Variants in CIT observed in about 807,000 individuals in gnomAD.
The protein encoded by CIT is citron rho-interacting serine/threonine kinase.
CIT carries 79 observed loss-of-function variants against 272.7 expected under a neutral mutation model. That is an observed-to-expected ratio of 0.29 (90% CI 0.24 to 0.35). The LOEUF is 0.35. Among genes scored for constraint, CIT ranks in the 10% least tolerant of loss-of-function variants. The pLI is 1.00. For missense variants in CIT, 1,909 were observed against 2,618.3 expected, an observed-to-expected ratio of 0.73 and a Z score of 5.91; for synonymous variants, 948 against 995.6, an observed-to-expected ratio of 0.95 and a Z score of 0.90.
At chr12:119,824,015 G>A (rs1264004690) in intron 8 of CIT, among the ~76,000 whole-genome samples, 2 of 112,152 alleles carry the variant, frequency 1.8e-5, no homozygotes, top group Non-Finnish European at 3.3e-5. Flanking sequence ...CTCCAGCCTG[G>A]GTAACAGAGC....
chr12:119,725,021 T>C (rs916917930), intron 28 of CIT, among the ~76,000 whole-genome samples: 1 of 150,324 alleles, frequency 6.7e-6, no homozygotes, highest in African/African-American at 2.4e-5. Flanking sequence ...GAAAGATCCA[T>C]TAGTAAAGTT....
rs1555225961 is a variant in CIT at position 119,728,585 on chromosome 12, G to C, written c.3508C>G (p.His1170Asp). 1 of 1,612,634 alleles carries C rather than the reference G, an allele frequency of 6.2e-7. No homozygotes were observed. Among genetic ancestry groups the C allele is most frequent in the Non-Finnish European group, 8.5e-7 (1 of 1,178,970 alleles). ...CGGGCATTCATTTCAAGCATAGCAT[G>C]CTTCTTCTCCAGGTCATTGAGCTAG... ...SDKLNDLEKK[H>D]AMLEMNARSL... The change falls in exon 28 of 48, where the codon CAT becomes GAT. Residue 1170 changes from histidine (H) to aspartate (D), a missense_variant. Around this residue, in one of 8 missense-constraint regions of CIT, gnomAD observed 530 missense variants for 822.4 expected, o/e 0.64. Coordinates refer to ENST00000392521, the MANE Select transcript of CIT (RefSeq NM_001206999.2). The surrounding 1 kb of genome is among the most constrained non-coding windows in gnomAD (Gnocchi z 4.3).
chr12:119,746,389 C>A (rs969407737), intron 23 of CIT, among the ~76,000 whole-genome samples: 1 of 152,118 alleles, frequency 6.6e-6, no homozygotes. Flanking sequence ...TTACAGAAAA[C>A]AGTGACAGAC....
At position 119,690,571 on chromosome 12, in the gene CIT, T is replaced by G. The variant is rs978769318; in HGVS notation, c.5883-117A>C. 1 of 991,510 alleles carries G rather than the reference T, an allele frequency of 1.0e-6. No homozygotes were observed. Among genetic ancestry groups the G allele is most frequent in the Non-Finnish European group, 1.4e-6 (1 of 703,058 alleles). The allele number at this position is 991,510 out of a possible 1,614,324, so 61.4% of individuals were successfully genotyped here. On this transcript the variant is annotated intron_variant, in intron 46 of 47. Transcript: ENST00000392521. The surrounding 1 kb of genome is among the most constrained non-coding windows in gnomAD (Gnocchi z 6.0). Reference sequence around the variant, plus strand: ...GCCTCACCACTGATTATCAAGAGATTAGACCTGGAGTTCTTTGGACTTTGC... The same window carrying G: ...GCCTCACCACTGATTATCAAGAGATGAGACCTGGAGTTCTTTGGACTTTGC...
chr12:119,707,901 A>C (rs1956963055), intron 40 of CIT, among the ~76,000 whole-genome samples: 1 of 152,186 alleles, frequency 6.6e-6, no homozygotes, highest in South Asian at 2.1e-4. Context: ...TTAATCTTTG[A>C]AGCCAAGGAT....
chr12:119,704,217 A>T lies in CIT; in HGVS notation c.5304+146T>A. On this transcript the variant is annotated intron_variant, in intron 41 of 47. Coordinates refer to ENST00000392521, the MANE Select transcript of CIT (RefSeq NM_001206999.2). ...CCACAAAGGAAGGATCTCGCTGACG[A>T]CAGAGGTCACCCCAGGCTAAAGGCC... The T allele has an allele frequency of 4.5e-6, 3 of 661,974 alleles. No individual in the cohort carries two copies. In the Admixed American group the frequency reaches 8.6e-5, roughly 19 times the overall value. The allele number at this position is 661,974 out of a possible 1,614,324, so 41.0% of individuals were successfully genotyped here.
At position 119,710,978 on chromosome 12, in the gene CIT, C is replaced by G. The variant is rs1264787479; in HGVS notation, c.4855-358G>C. The G allele has an allele frequency of 8.0e-7, 1 of 1,246,516 alleles. No individual in the cohort carries two copies. Among genetic ancestry groups the G allele is most frequent in the African/African-American group, 1.5e-5 (1 of 65,460 alleles). The allele number at this position is 1,246,516 out of a possible 1,614,324, so 77.2% of individuals were successfully genotyped here. A position where few individuals can be genotyped will look rare whatever the true frequency, so the allele number is the denominator to read the frequency against. On this transcript the variant is annotated intron_variant, in intron 37 of 47. Coordinates refer to ENST00000392521, the MANE Select transcript of CIT (RefSeq NM_001206999.2). The surrounding 1 kb of genome is among the most constrained non-coding windows in gnomAD (Gnocchi z 5.6). ...TAAGACACATGAAAGACTCCTTCCC[C>G]CATAAGGCTGCAGCAGAAGTGCAAA...
At chr12:119,764,557 T>C (rs961269509) in intron 19 of CIT, among the ~76,000 whole-genome samples, 1 of 148,982 alleles carries the variant, frequency 6.7e-6, no homozygotes, top group South Asian at 2.1e-4. Context: ...CAATGAGCTA[T>C]GACTTGCACC....
chr12:119,731,167 G>A (rs1422972446), intron 26 of CIT, among the ~76,000 whole-genome samples: 1 of 150,890 alleles, frequency 6.6e-6, no homozygotes, highest in African/African-American at 2.4e-5. Context: ...ATGTTTTTGG[G>A]TACTCATCAA....
chr12:119,864,974 G>A (rs1950474743), intron 3 of CIT, among the ~76,000 whole-genome samples: 1 of 152,074 alleles, frequency 6.6e-6, no homozygotes, highest in Non-Finnish European at 1.5e-5. Flanking sequence ...CATCCCTATA[G>A]GAAGATTCAA....
At chr12:119,717,328 A>C (rs1455314037) in intron 32 of CIT, among the ~76,000 whole-genome samples, 1 of 148,042 alleles carries the variant, frequency 6.8e-6, no homozygotes, top group Admixed American at 6.7e-5. Context: ...CTGGGATTAC[A>C]GGCGTGAGCC....
In CIT at chr12:119,697,988, C is replaced by T. The variant is rs763157071; in HGVS notation, c.5690G>A (p.Arg1897His). ...NSLEVIEIQARSSAGTPARAY... is the reference protein window; with the variant it reads ...NSLEVIEIQAHSSAGTPARAY... ...GGACAATGCTTACCCTGCTGAGGAGCGTGCCTGGATCTCAATTACTTCGAG... is the reference window on the plus strand; with the variant it reads ...GGACAATGCTTACCCTGCTGAGGAGTGTGCCTGGATCTCAATTACTTCGAG... Residue 1897 changes from arginine (R) to histidine (H), a missense_variant, in exon 45 of 48, where the codon CGC (arginine) becomes CAC (histidine). Coordinates refer to ENST00000392521, the MANE Select transcript of CIT (RefSeq NM_001206999.2). The surrounding 1 kb of genome is among the most constrained non-coding windows in gnomAD (Gnocchi z 4.9). 25 of 1,614,048 alleles carry T rather than the reference C, an allele frequency of 1.5e-5. 1 individual carries two copies. The highest frequency in any genetic ancestry group is 3.3e-5 in the South Asian group (3 of 91,084).
chr12:119,875,793 C>A (rs1950825178), intron 2 of CIT, among the ~76,000 whole-genome samples: 1 of 151,994 alleles, frequency 6.6e-6, no homozygotes, highest in Non-Finnish European at 1.5e-5. Context: ...CCTAGCCTGG[C>A]CAACATGGTG....
chr12:119,836,055 G>A (rs542697959), intron 5 of CIT, among the ~76,000 whole-genome samples: 3 of 152,090 alleles, frequency 2.0e-5, no homozygotes, highest in East Asian at 1.9e-4. Flanking sequence ...TTGGGAGGCC[G>A]AGGCAGGCGG....
In CIT at chr12:119,712,466, G is replaced by T; in HGVS notation, c.4685-119C>A. ...CACGCAAATCCCAGTTACCGCCAAG[G>T]CGGGGAGCGGAGGAAGATGGGCCTC... is the stretch of plus-strand genomic sequence containing the variant. On this transcript the variant is annotated intron_variant, in intron 36 of 47. Transcript: ENST00000392521. This position sits in a 1 kb window ranked among gnomAD's most constrained non-coding sequence, Gnocchi z 5.2. The T allele has an allele frequency of 1.4e-6, 2 of 1,406,314 alleles. No homozygotes were observed. The highest frequency in any genetic ancestry group is 2.0e-6 in the Non-Finnish European group (2 of 1,015,352). The allele number at this position is 1,406,314 out of a possible 1,614,324, so 87.1% of individuals were successfully genotyped here.
chr12:119,754,635 G>A (rs966158652), intron 22 of CIT, among the ~76,000 whole-genome samples: 2 of 152,216 alleles, frequency 1.3e-5, no homozygotes. Context: ...CCTTTAAGGC[G>A]GATCAAACTC....
chr12:119,783,286 G>T (rs1964473143), intron 12 of CIT: 1 of 152,158 alleles, frequency 6.6e-6, no homozygotes, highest in Non-Finnish European at 1.5e-5. Context: ...TCTCCCTTGT[G>T]AAAAAAACTT....
chr12:119,732,033 G>A (rs1331024435), intron 26 of CIT, among the ~76,000 whole-genome samples: 1 of 151,472 alleles, frequency 6.6e-6, no homozygotes, highest in Admixed American at 6.6e-5. Flanking sequence ...ACAGGATTTC[G>A]CCATGTTGGC....
At chr12:119,874,061 T>C (rs954668189) in intron 2 of CIT, among the ~76,000 whole-genome samples, 4 of 152,216 alleles carry the variant, frequency 2.6e-5, no homozygotes, top group Non-Finnish European at 2.9e-5. Context: ...TTTTTTTGTT[T>C]TCTTTTGTTT....
Sources: gnomAD v4.1 joint callset for allele counts (sites outside exome capture counted in the v4.1 genomes callset) on GRCh38, gnomAD v4.1.1 for gene constraint, gnomAD v4.1.1 regional missense constraint, Gnocchi (gnomAD v3.1) non-coding constraint, MANE v1.5 for transcripts, NCBI Gene and HGNC (gene_info 2026-07-23, HGNC 2026-07-21) for gene names.